EGFR: variants seen among roughly 807,000 people sequenced by gnomAD.
EGFR encodes avian erythroblastic leukemia viral (v-erb-b) oncogene homolog.
EGFR carries 58 observed loss-of-function variants against 143.0 expected under a neutral mutation model. That is an observed-to-expected ratio of 0.41 (90% confidence interval 0.33 to 0.50). The LOEUF is 0.50. EGFR is among the 20% of genes least tolerant of loss of function. EGFR has a pLI of 0.39. For synonymous variants in EGFR, 613 were observed against 594.4 expected (o/e 1.03, Z -0.45); for missense variants, 1,307 against 1,579.0 (o/e 0.83, Z 2.92).
At chr7:55,204,592 TACAC>T (rs1288057573) in intron 27 of EGFR, among the ~76,000 whole-genome samples, 7 of 72,704 alleles carry the variant, frequency 9.6e-5, no homozygotes, top group Admixed American at 5.8e-4. Flanking sequence ...ACACCACACA[TACAC>T]ACACGTACAC....
intron 1 of EGFR, among the ~76,000 whole-genome samples, chr7:55,137,760 C>G (rs934211958): frequency 6.6e-6 from 1 of 152,138 alleles, no homozygotes; most frequent in Non-Finnish European, 1.5e-5. Flanking sequence ...CATCTATGTT[C>G]TAAAGCAAGC....
At chr7:55,143,592 AT>A in intron 3 of EGFR, 104 bp downstream of exon 3, 2 of 1,329,160 alleles carry the variant, frequency 1.5e-6, no homozygotes, top group Non-Finnish European at 1.1e-6. Flanking sequence ...GAAGGCTTTT[AT>A]TTTTACCCAG....
At chr7:55,174,628 G>A (rs2128954369) in intron 18 of EGFR, 94 bp from the exon 19 acceptor site, 1 of 1,076,580 alleles carries the variant, frequency 9.3e-7, no homozygotes, top group Non-Finnish European at 1.4e-6. Context: ...CACCTTCGGG[G>A]TGCATCGCTG....
intron 1 of EGFR, among the ~76,000 whole-genome samples, chr7:55,096,016 C>T (rs1361887354): frequency 1.1e-4 from 17 of 151,824 alleles, no homozygotes; most frequent in Admixed American, 9.2e-4. Context: ...CAGGCACACA[C>T]GTGCAGATAA....
Position 55,168,147 on chromosome 7 carries a change from G to A in EGFR, c.1880+2710G>A, listed in dbSNP as rs148606483. Among the ~76,000 whole-genome samples the A allele has an allele frequency of 1.6e-3, 237 of 152,308 alleles. 1 individual carries two copies. Among genetic ancestry groups the A allele is most frequent in the African/African-American group, 5.2e-3 (215 of 41,556 alleles). ...GCTCTGTTGGCCACTTTGTGAGCTC[G>A]ATGAAGCATGGTATAAAAGATGCTT... On this transcript the variant is annotated intron_variant, in intron 15 of 27. Coordinates refer to ENST00000275493, the MANE Select transcript of EGFR (RefSeq NM_005228.5).
At chr7:55,106,587 A>G (rs531801036) in intron 1 of EGFR, among the ~76,000 whole-genome samples, 1 of 152,296 alleles carries the variant, frequency 6.6e-6, no homozygotes, top group Non-Finnish European at 1.5e-5. Flanking sequence ...CTGCCTGTGC[A>G]CTCCACAATC....
chr7:55,035,853 G>A (rs1346087679), intron 1 of EGFR, among the ~76,000 whole-genome samples: 1 of 152,022 alleles, frequency 6.6e-6, no homozygotes, highest in Non-Finnish European at 1.5e-5. Flanking sequence ...TCTACTGGGA[G>A]GTCCTATCCC....
chr7:55,166,140 A>G (rs1444491494), intron 15 of EGFR, among the ~76,000 whole-genome samples: 3 of 152,156 alleles, frequency 2.0e-5, no homozygotes, highest in African/African-American at 7.2e-5. Context: ...ACCAAGAGCG[A>G]AACTCTGTCG....
chr7:55,037,490 T>C (rs1201944650), intron 1 of EGFR, among the ~76,000 whole-genome samples: 1 of 152,228 alleles, frequency 6.6e-6, no homozygotes, highest in Non-Finnish European at 1.5e-5. Flanking sequence ...TTTGCAGCAC[T>C]CTTCACAGCT....
chr7:55,032,155 T>C (rs1787288960), intron 1 of EGFR, among the ~76,000 whole-genome samples: 1 of 152,200 alleles, frequency 6.6e-6, no homozygotes, highest in African/African-American at 2.4e-5. Flanking sequence ...ATTCACAAGA[T>C]GTTCTGCCAA....
At chr7:55,121,089 C>T (rs1793173967) in intron 1 of EGFR, among the ~76,000 whole-genome samples, 1 of 152,188 alleles carries the variant, frequency 6.6e-6, no homozygotes, top group African/African-American at 2.4e-5. Context: ...AGTCTTACAA[C>T]ACAGGGAAGT....
rs142765918 is a variant in EGFR, at chr7:55,186,949, C to G, written c.2470-4770C>G. Among the ~76,000 whole-genome samples, 42 of 152,292 alleles carry G rather than the reference C, an allele frequency of 2.8e-4. No homozygotes were observed. In the East Asian group the frequency reaches 8.1e-3, roughly 29 times the overall value. Reference sequence around the variant, plus strand: ...GATAGCAGTGAACAAGCCAGATGGCCCCTCACCCTCCAGAGCCGTGAGTCC... The same window carrying G: ...GATAGCAGTGAACAAGCCAGATGGCGCCTCACCCTCCAGAGCCGTGAGTCC... On this transcript the variant is annotated intron_variant, in intron 20 of 27. Coordinates refer to ENST00000275493, the MANE Select transcript of EGFR (RefSeq NM_005228.5).
chr7:55,041,311 G>A (rs111899915), intron 1 of EGFR, among the ~76,000 whole-genome samples: 5,715 of 152,142 alleles, frequency 0.038, 243 homozygotes, highest in African/African-American at 0.11. Flanking sequence ...TTCGGGAGGC[G>A]GAGGCAGGAG....
intron 1 of EGFR, among the ~76,000 whole-genome samples, chr7:55,134,207 C>T (rs1362931465): frequency 6.6e-6 from 1 of 151,524 alleles, no homozygotes; most frequent in Admixed American, 6.6e-5. Context: ...ACCCCAGCCA[C>T]ATGCAGGTCC....
rs534395618 is a variant in EGFR, at chr7:55,146,461, G to C, written c.425-145G>C. The C allele has an allele frequency of 5.4e-6, 7 of 1,295,222 alleles. No individual in the cohort carries two copies. The Admixed American group carries it at 5.9e-5, about 11-fold the overall frequency. 80.2% of individuals were successfully genotyped at this position (1,295,222 alleles called of 1,614,324 possible). A position where few individuals can be genotyped will look rare whatever the true frequency, so the allele number is the denominator to read the frequency against. On this transcript the variant is annotated intron_variant, in intron 3 of 27. Coordinates refer to ENST00000275493, the MANE Select transcript of EGFR (RefSeq NM_005228.5). ...TAACAATTTTATCTGGCCGCCCCCC[G>C]GGAAGTTCACTGGGCTAATTGCGGG... is the stretch of plus-strand genomic sequence containing the variant.
At chr7:55,114,837 G>A (rs1284655473) in intron 1 of EGFR, among the ~76,000 whole-genome samples, 2 of 149,158 alleles carry the variant, frequency 1.3e-5, no homozygotes, top group Admixed American at 1.3e-4. Flanking sequence ...GAAGGACATT[G>A]TGTAGAAATA....
chr7:55,024,625 A>G (rs1444887919), intron 1 of EGFR, among the ~76,000 whole-genome samples: 3 of 152,228 alleles, frequency 2.0e-5, no homozygotes, highest in Non-Finnish European at 4.4e-5. Flanking sequence ...ACGTAAGTCA[A>G]CCATGATTGT....
chr7:55,124,517 T>C (rs1302051025), intron 1 of EGFR, among the ~76,000 whole-genome samples: 1 of 152,116 alleles, frequency 6.6e-6, no homozygotes, highest in Admixed American at 6.5e-5. Flanking sequence ...ATGCTAAGAG[T>C]TGTGGATCTT....
At chr7:55,095,235 GCCCTCCAC>G (rs1195236910) in intron 1 of EGFR, among the ~76,000 whole-genome samples, 2 of 152,174 alleles carry the variant, frequency 1.3e-5, no homozygotes, top group Non-Finnish European at 2.9e-5. Flanking sequence ...TGTCCGACTG[GCCCTCCAC>G]CATGTGACAT....
Sources: allele counts gnomAD v4.1 joint callset (sites outside exome capture counted in the v4.1 genomes callset), GRCh38; gene constraint gnomAD v4.1.1; transcripts MANE v1.5; gene names NCBI Gene and HGNC (gene_info 2026-07-23, HGNC 2026-07-21).